The following GNG4 variants were observed in gnomAD, a reference collection of about 807,000 sequenced individuals.
GNG4 encodes the protein G protein subunit gamma 4, also known as guanine nucleotide-binding protein G(I)/G(S)/G(O) subunit gamma-4.
Under a neutral mutation model 5.8 loss-of-function variants are expected in GNG4, and 4 were observed. The observed-to-expected ratio is 0.69, with a 90% CI of 0.34 to 1.57. The LOEUF is 1.57. GNG4 is among the 40% of genes most tolerant of loss of function. The pLI is 0.06. For missense variants in GNG4, 96 were observed against 95.1 expected, an observed-to-expected ratio of 1.01 and a Z score of -0.04; for synonymous variants, 29 against 32.9, an observed-to-expected ratio of 0.88 and a Z score of 0.41.
intron 3 of GNG4, among the ~76,000 whole-genome samples, chr1:235,557,241 T>A (rs1465587069): frequency 3.3e-5 from 5 of 151,804 alleles, no homozygotes; most frequent in Non-Finnish European, 7.4e-5. Context: ...AGCTGCTTTG[T>A]TAATTGACAA....
intron 3 of GNG4, among the ~76,000 whole-genome samples, chr1:235,568,213 C>T (rs769353994): frequency 6.6e-6 from 1 of 151,884 alleles, no homozygotes; most frequent in Admixed American, 6.6e-5. Context: ...CTCATGATCC[C>T]CGCTCTAGTC....
intron 1 of GNG4, among the ~76,000 whole-genome samples, chr1:235,613,493 G>T (rs184924461): frequency 6.6e-6 from 1 of 152,146 alleles, no homozygotes; most frequent in Non-Finnish European, 1.5e-5. Context: ...CAATCACAAG[G>T]GGCCTTGTAA....
intron 1 of GNG4, among the ~76,000 whole-genome samples, chr1:235,606,744 A>T (rs1192347488): frequency 6.6e-6 from 1 of 152,042 alleles, no homozygotes; most frequent in East Asian, 1.9e-4. Flanking sequence ...TGAGCAACTC[A>T]TGACTTGTAG....
At chr1:235,556,118 C>T (rs887031679) in intron 3 of GNG4, among the ~76,000 whole-genome samples, 5 of 151,836 alleles carry the variant, frequency 3.3e-5, no homozygotes, top group Admixed American at 6.6e-5. Flanking sequence ...CTGCCCGCCT[C>T]GGCCTCTCAA....
chr1:235,604,597 C>T (rs1383278664), intron 1 of GNG4, among the ~76,000 whole-genome samples: 1 of 152,210 alleles, frequency 6.6e-6, no homozygotes, highest in African/African-American at 2.4e-5. Context: ...TCTCTGCCCC[C>T]ATCTTCACAT....
chr1:235,640,206 C>A (rs1657280608), intron 1 of GNG4, among the ~76,000 whole-genome samples: 1 of 152,042 alleles, frequency 6.6e-6, no homozygotes, highest in African/African-American at 2.4e-5. Flanking sequence ...ACCCTCACAG[C>A]CCCACGAGGA....
In GNG4 at chr1:235,562,506, T is replaced by A. The variant is rs117020822; in HGVS notation, c.100-10269A>T. Among the ~76,000 whole-genome samples the A allele has an allele frequency of 3.4e-4, 51 of 151,760 alleles. No individual in the cohort carries two copies. The East Asian group carries it at 9.3e-3, about 28-fold the overall frequency. On this transcript the variant is annotated intron_variant, in intron 3 of 3. Coordinates refer to ENST00000391854, the MANE Select transcript of GNG4 (RefSeq NM_001098722.2). The stretch of plus-strand genomic sequence containing the variant: ...TACTAAAAATACAAAAATTAGCTGC[T>A]GGGCATGGTGGGCCTGTAATCCCAA...
chr1:235,570,842 C>A (rs1687316618), intron 3 of GNG4, among the ~76,000 whole-genome samples: 1 of 138,194 alleles, frequency 7.2e-6, no homozygotes. Context: ...GCTACCATAT[C>A]CAGCTAATTA....
At chr1:235,608,288 C>T (rs903944174) in intron 1 of GNG4, among the ~76,000 whole-genome samples, 2 of 152,098 alleles carry the variant, frequency 1.3e-5, no homozygotes, top group South Asian at 2.1e-4. Flanking sequence ...TATGTTTTAT[C>T]ACTTACCATT....
chr1:235,605,960 G>T (rs375887776), intron 1 of GNG4, among the ~76,000 whole-genome samples: 75 of 133,844 alleles, frequency 5.6e-4, no homozygotes, highest in African/African-American at 2.0e-3. Flanking sequence ...GAGTGTGGGG[G>T]GGTGGGTCTC....
At chr1:235,562,659 G>GA (rs1318706984) in intron 3 of GNG4, among the ~76,000 whole-genome samples, 2,449 of 51,258 alleles carry the variant, frequency 0.048, 31 homozygotes, top group Middle Eastern at 0.13. Flanking sequence ...AAAAAAAAAA[G>GA]AAAAAAAAAA....
chr1:235,569,144 C>T (rs1687273898), intron 3 of GNG4, among the ~76,000 whole-genome samples: 1 of 152,002 alleles, frequency 6.6e-6, no homozygotes, highest in South Asian at 2.1e-4. Context: ...GTTTTCTTGT[C>T]TGTGAAATGG....
chr1:235,595,087 C>T (rs914001), intron 2 of GNG4, among the ~76,000 whole-genome samples: 53,684 of 152,086 alleles, frequency 0.35, 10,388 homozygotes, highest in East Asian at 0.79. Flanking sequence ...GCACACAGCA[C>T]GGTTCCCCAG....
intron 3 of GNG4, among the ~76,000 whole-genome samples, chr1:235,573,343 AG>A (rs972542389): frequency 2.5e-5 from 3 of 118,828 alleles, no homozygotes; most frequent in African/African-American, 9.4e-5. Context: ...GGGAGGGGGG[AG>A]GGATAGCATT....
chr1:235,641,429 G>A (rs1172564253), intron 1 of GNG4, among the ~76,000 whole-genome samples: 6 of 151,150 alleles, frequency 4.0e-5, no homozygotes, highest in Non-Finnish European at 7.4e-5. Flanking sequence ...AGTGGCTCAC[G>A]CCCGTAATCC....
chr1:235,622,093 T>C (rs1433374293), intron 1 of GNG4, among the ~76,000 whole-genome samples: 2 of 152,232 alleles, frequency 1.3e-5, no homozygotes, highest in Non-Finnish European at 2.9e-5. Context: ...CTATATTCTA[T>C]AAAAATGAAA....
At chr1:235,600,109 T>A (rs1688224200) in intron 1 of GNG4, among the ~76,000 whole-genome samples, 1 of 123,812 alleles carries the variant, frequency 8.1e-6, no homozygotes, top group East Asian at 2.1e-4. Flanking sequence ...GCTTTTTTTT[T>A]TTTTTTTTTT....
intron 2 of GNG4, among the ~76,000 whole-genome samples, chr1:235,590,116 A>T (rs1687922152): frequency 6.6e-6 from 1 of 152,164 alleles, no homozygotes; most frequent in Non-Finnish European, 1.5e-5. Flanking sequence ...ACAAGCAACA[A>T]CATCAACAGT....
chr1:235,640,179 A>G lies in GNG4; in HGVS notation c.-123+9483T>C, dbSNP rs368023267. On this transcript the variant is annotated intron_variant, in intron 1 of 3. Coordinates refer to ENST00000391854, the MANE Select transcript of GNG4 (RefSeq NM_001098722.2). ...GGAGACCTGGTGTTGCAGGCACATC[A>G]TGCTTACGGTGGTCAAACCCTCACA... 5.2e-4 allele frequency among the ~76,000 whole-genome samples: 79 copies of G among 152,214 alleles called. No homozygotes were observed. In the East Asian group the frequency reaches 0.014, roughly 27 times the overall value.
Sources: gnomAD v4.1 joint callset for allele counts (sites outside exome capture counted in the v4.1 genomes callset) on GRCh38, gnomAD v4.1.1 for gene constraint, MANE v1.5 for transcripts, NCBI Gene and HGNC (gene_info 2026-07-23, HGNC 2026-07-21) for gene names.